Variants in RYR3 observed in about 807,000 individuals in gnomAD.
RYR3 encodes the protein brain ryanodine receptor-calcium release channel.
A neutral mutation model predicts 584.3 loss-of-function variants in RYR3; 207 were observed. That is an observed-to-expected ratio of 0.35 (90% CI 0.32 to 0.40). The LOEUF is 0.40. RYR3 is among the 10% of genes least tolerant of loss of function. The pLI is 1.00. For synonymous variants in RYR3, 2,416 were observed against 2,248.5 expected (o/e 1.07, Z -2.11); for missense variants, 5,616 against 6,089.2 (o/e 0.92, Z 2.59).
intron 32 of RYR3, among the ~76,000 whole-genome samples, chr15:33,654,126 C>A (rs571967363): frequency 5.3e-5 from 8 of 151,904 alleles, no homozygotes; most frequent in African/African-American, 1.7e-4. Flanking sequence ...GAACGCTGTA[C>A]GAGTTCAAAA....
In RYR3 at chr15:33,473,447, C is replaced by A. The variant is rs374964000; in HGVS notation, c.80C>A (p.Ala27Asp). ...TEDEVVLQCIATIHKEQRKFC... is the reference protein window; with the variant it reads ...TEDEVVLQCIDTIHKEQRKFC... ...GATGAAGTGGTACTCCAGTGCATCG[C>A]CACCATTCATAAGGAGCAGAGGAAG... The change falls in exon 2 of 104, where the codon GCC becomes GAC. Residue 27 changes from alanine (A) to aspartate (D), a missense_variant. Physicochemically the swap from Ala to Asp is moderately radical, Grantham distance 126. This residue lies in a region of RYR3 where 1,284 missense variants were observed against 1,344.6 expected (regional missense o/e 0.95). Coordinates refer to ENST00000634891, the MANE Select transcript of RYR3 (RefSeq NM_001036.6). 18 of 1,613,864 alleles carry A rather than the reference C, an allele frequency of 1.1e-5. No homozygotes were observed. The highest frequency in any genetic ancestry group is 1.4e-5 in the Non-Finnish European group (16 of 1,179,820).
chr15:33,348,860 G>A (rs1381315675), intron 1 of RYR3, among the ~76,000 whole-genome samples: 1 of 151,966 alleles, frequency 6.6e-6, no homozygotes, highest in Admixed American at 6.6e-5. Flanking sequence ...GTCGTGTCAT[G>A]TATCCACTAT....
At chr15:33,713,486 G>A (rs1173749449) in intron 43 of RYR3, among the ~76,000 whole-genome samples, 1 of 151,606 alleles carries the variant, frequency 6.6e-6, no homozygotes, top group Non-Finnish European at 1.5e-5. Context: ...AAGGGTGAGT[G>A]TGGTGAATGA....
intron 99 of RYR3, 90 bp downstream of exon 99, chr15:33,858,004 G>C (rs576240376): frequency 1.3e-6 from 2 of 1,535,534 alleles, no homozygotes; most frequent in East Asian, 4.6e-5. Context: ...GTGTGGGGGT[G>C]CTCTTGAGAA....
chr15:33,806,692 T>A (rs1227290768), intron 69 of RYR3, among the ~76,000 whole-genome samples: 1 of 152,086 alleles, frequency 6.6e-6, no homozygotes, highest in African/African-American at 2.4e-5. Flanking sequence ...CTTTTAGGTT[T>A]TTTGGTGATT....
intron 5 of RYR3, among the ~76,000 whole-genome samples, chr15:33,538,316 C>T (rs1441532048): frequency 6.6e-6 from 1 of 152,106 alleles, no homozygotes; most frequent in Non-Finnish European, 1.5e-5. Context: ...TGGCAGAGAC[C>T]TGAGCATTTC....
At chr15:33,754,121 G>C (rs2071585137) in intron 57 of RYR3, among the ~76,000 whole-genome samples, 2 of 152,122 alleles carry the variant, frequency 1.3e-5, no homozygotes, top group South Asian at 2.1e-4. Flanking sequence ...TCCAATCTGG[G>C]CGACAGAGTG....
chr15:33,364,780 G>C (rs1242051085), intron 1 of RYR3, among the ~76,000 whole-genome samples: 1 of 152,198 alleles, frequency 6.6e-6, no homozygotes, highest in African/African-American at 2.4e-5. Context: ...CAAAAGGAAA[G>C]ATGACAAGGC....
At chr15:33,781,128 A>G (rs1364371203) in intron 65 of RYR3, among the ~76,000 whole-genome samples, 1 of 152,156 alleles carries the variant, frequency 6.6e-6, no homozygotes, top group African/African-American at 2.4e-5. Context: ...CTGGAACTAA[A>G]ATCCAAGGCA....
chr15:33,635,572 T>C, intron 25 of RYR3, 42 bp from the exon 26 acceptor site: 1 of 1,512,932 alleles, frequency 6.6e-7, no homozygotes, highest in Non-Finnish European at 9.1e-7. Context: ...ACGTTCTCTC[T>C]TTCCCTTCCA....
At chr15:33,674,333 C>T (rs2064026572) in intron 38 of RYR3, among the ~76,000 whole-genome samples, 1 of 152,184 alleles carries the variant, frequency 6.6e-6, no homozygotes, top group African/African-American at 2.4e-5. Context: ...CTCCAAAGAG[C>T]CTCTCCCTAA....
chr15:33,540,600 C>T lies in RYR3; in HGVS notation c.547-191C>T, dbSNP rs189662597. ...TGCCATCTCTGTAGCTGAATAATTCCTCACCCCAGAATAAAGTGTCCCACT... is the reference window on the plus strand; with the variant it reads ...TGCCATCTCTGTAGCTGAATAATTCTTCACCCCAGAATAAAGTGTCCCACT... On this transcript the variant is annotated intron_variant, in intron 6 of 103. Coordinates refer to ENST00000634891, the MANE Select transcript of RYR3 (RefSeq NM_001036.6). Among the ~76,000 whole-genome samples the T allele has an allele frequency of 7.2e-4, 109 of 152,230 alleles. 1 individual carries two copies. Among genetic ancestry groups the T allele is most frequent in the African/African-American group, 2.6e-3 (109 of 41,542 alleles).
At position 33,539,420 on chromosome 15, in the gene RYR3, C is replaced by A; in HGVS notation, c.504C>A (p.Gly168=). Residue 168 remains glycine (G), a synonymous_variant, in exon 6 of 104, where the codon GGC becomes GGA. Coordinates refer to ENST00000634891, the MANE Select transcript of RYR3 (RefSeq NM_001036.6). ...QRSEGEKVRI[G]DDLILVSVSS... ...CCGAAGGAGAGAAAGTTCGAATTGG[C>A]GATGACCTCATCCTCGTCAGCGTGT... 1.2e-6 allele frequency: 2 copies of A among 1,602,182 alleles called. No individual in the cohort carries two copies. The highest frequency in any genetic ancestry group is 1.7e-6 in the Non-Finnish European group (2 of 1,173,680).
chr15:33,652,228 C>T (rs1480041144), intron 31 of RYR3, among the ~76,000 whole-genome samples: 1 of 152,136 alleles, frequency 6.6e-6, no homozygotes, highest in African/African-American at 2.4e-5. Context: ...GAGCCCAGGC[C>T]GGCCATCCTA....
chr15:33,789,052 A>G (rs778193442), intron 67 of RYR3, among the ~76,000 whole-genome samples: 1 of 152,204 alleles, frequency 6.6e-6, no homozygotes, highest in Non-Finnish European at 1.5e-5. Context: ...GGAACCAGAA[A>G]GATCTGGGGC....
intron 3 of RYR3, among the ~76,000 whole-genome samples, chr15:33,518,821 C>G (rs937771014): frequency 6.6e-6 from 1 of 152,146 alleles, no homozygotes; most frequent in Non-Finnish European, 1.5e-5. Context: ...AAGCACTGTC[C>G]AAGCATTAGA....
At chr15:33,423,956 A>G (rs2044420759) in intron 1 of RYR3, among the ~76,000 whole-genome samples, 1 of 152,168 alleles carries the variant, frequency 6.6e-6, no homozygotes, top group Non-Finnish European at 1.5e-5. Flanking sequence ...AGTTTGCTAA[A>G]CGGCAGCTCT....
At chr15:33,489,991 C>A (rs2050832841) in intron 2 of RYR3, among the ~76,000 whole-genome samples, 1 of 152,102 alleles carries the variant, frequency 6.6e-6, no homozygotes, top group South Asian at 2.1e-4. Context: ...TGAACTGAAC[C>A]ATTTTGAACC....
At chr15:33,656,171 A>G (rs142211967) in intron 32 of RYR3, among the ~76,000 whole-genome samples, 1 of 152,256 alleles carries the variant, frequency 6.6e-6, no homozygotes, top group Non-Finnish European at 1.5e-5. Context: ...TTCCTGTGCC[A>G]TGACCTTCAC....
Sources: gnomAD v4.1 joint callset for allele counts (sites outside exome capture counted in the v4.1 genomes callset) on GRCh38, gnomAD v4.1.1 for gene constraint, gnomAD v4.1.1 regional missense constraint, MANE v1.5 for transcripts, NCBI Gene and HGNC (gene_info 2026-07-23, HGNC 2026-07-21) for gene names.